PRG2: variants seen among roughly 807,000 people sequenced by gnomAD.
The protein encoded by PRG2 is proteoglycan 2, pro eosinophil major basic protein.
PRG2 carries 23 observed loss-of-function variants against 24.7 expected under a neutral mutation model. The observed-to-expected ratio is 0.93, with a 90% CI of 0.67 to 1.32. The LOEUF is 1.32. Among genes scored for constraint, PRG2 ranks in the 40% most tolerant of loss-of-function variants. The probability of loss-of-function intolerance (pLI) is 0.00; values close to 1 mark genes in which losing one functional copy is unlikely to be tolerated. For missense variants in PRG2, 271 were observed against 280.9 expected (o/e 0.96, Z 0.25); for synonymous variants, 104 against 99.8 (o/e 1.04, Z -0.25).
chr11:57,388,588 T>C lies in PRG2; in HGVS notation c.487A>G (p.Ile163Val), dbSNP rs148335550. ...CACACTTCTCTTACCGAGCCTGTGA[T>C]CCTGCCTCCAATCCAGACTTGACCC... ...NQGQVWIGGR[I>V]TGSGRCRRFQ... is the part of the protein sequence containing the mutation. The change falls in exon 4 of 6, where the codon ATC becomes GTC. Residue 163 changes from isoleucine (I) to valine (V), a missense_variant. By Grantham distance (29) the Ile-to-Val change is conservative (BLOSUM62 3). Transcript: ENST00000311862. 9.3e-6 allele frequency: 15 copies of C among 1,613,782 alleles called. No individual in the cohort carries two copies. The Admixed American group carries it at 1.5e-4, about 16-fold the overall frequency.
chr11:57,387,915 A>G, intron 4 of PRG2, 50 bp from the exon 5 acceptor site: 1 of 1,375,736 alleles, frequency 7.3e-7, no homozygotes. Flanking sequence ...GAAGGCAGAG[A>G]AGCAGACCTG....
chr11:57,390,025 A>C, intron 1 of PRG2, 69 bp from the exon 2 acceptor site: 1 of 1,299,206 alleles, frequency 7.7e-7, no homozygotes, highest in Non-Finnish European at 1.1e-6. Flanking sequence ...CAATCACACC[A>C]TTAGGGGACC....
chr11:57,387,824 C>T lies in PRG2; in HGVS notation c.540G>A (p.Trp180Ter), dbSNP rs757872148. The T allele has an allele frequency of 2.5e-6, 4 of 1,581,044 alleles. No individual in the cohort carries two copies. The highest frequency in any genetic ancestry group is 1.7e-4 in the Middle Eastern group (1 of 6,014). The change falls in exon 5 of 6, where the codon TGG (tryptophan) becomes TGA (stop). Residue 180 changes from tryptophan (W) to a stop codon, truncating the protein, a stop_gained. Coordinates refer to ENST00000311862, the MANE Select transcript of PRG2 (RefSeq NM_002728.6). LOFTEE classifies it high-confidence loss of function. ...RRFQWVDGSRWNFAYWAAHQP... is the reference protein window; with the variant it reads ...RRFQWVDGSR ...GGTGAGCAGCCCAGTATGCAAAGTT[C>T]CAGCGGCTGCCGTCAACCCACTGAA...
At chr11:57,387,967 G>GCA in intron 4 of PRG2, 102 bp from the exon 5 acceptor site, 1 of 810,552 alleles carries the variant, frequency 1.2e-6, no homozygotes, top group South Asian at 1.8e-5. Flanking sequence ...ACCGGGCAAT[G>GCA]GGCCCTTCCC....
intron 1 of PRG2, 91 bp from the exon 2 acceptor site, chr11:57,390,047 G>A (rs1202324003): frequency 6.3e-6 from 7 of 1,116,472 alleles, no homozygotes; most frequent in Non-Finnish European, 9.0e-6. Flanking sequence ...TGGGAGTGAG[G>A]TGGAGAAAAA....
At position 57,390,608 on chromosome 11, in the gene PRG2, C is replaced by G; in HGVS notation, c.-25G>C. On this transcript the variant is annotated 5_prime_UTR_variant, in exon 1 of 6. Transcript: ENST00000311862. ...AGAAAGCACTCACCCACCCAGAGACCTTCCTGGGTCTTTAGATCTTCCCAA... is the reference window on the plus strand; with the variant it reads ...AGAAAGCACTCACCCACCCAGAGACGTTCCTGGGTCTTTAGATCTTCCCAA... 1 of 985,532 alleles carries G rather than the reference C, an allele frequency of 1.0e-6. No individual in the cohort carries two copies. Among genetic ancestry groups the G allele is most frequent in the Middle Eastern group, 5.2e-4 (1 of 1,916 alleles). The allele number at this position is 985,532 out of a possible 1,614,324, so 61.0% of individuals were successfully genotyped here.
chr11:57,388,428 A>T, intron 4 of PRG2, 149 bp downstream of exon 4: 3 of 1,237,416 alleles, frequency 2.4e-6, no homozygotes, highest in Non-Finnish European at 3.3e-6. Context: ...CTGAATGCCC[A>T]GGCAGCCCCC....
Position 57,388,658 on chromosome 11 carries a change from G to T in PRG2, c.417C>A (p.Phe139Leu). The change falls in exon 4 of 6, where the codon TTC becomes TTA. Residue 139 changes from phenylalanine to leucine, a missense_variant. Phe to Leu is a conservative substitution (Grantham distance 22). Transcript: ENST00000311862. ...YRGNLVSIHN[F>L]NINYRIQCSV... is the part of the protein sequence containing the mutation. ...AACACTGGATTCGATAATTAATATT[G>T]AAGTTGTGGATGGAAACCAGGTTGC... The T allele has an allele frequency of 6.2e-7, 1 of 1,614,034 alleles. No homozygotes were observed. Among genetic ancestry groups the T allele is most frequent in the Non-Finnish European group, 8.5e-7 (1 of 1,179,960 alleles).
intron 3 of PRG2, 130 bp downstream of exon 3, chr11:57,388,880 C>G: frequency 7.0e-7 from 1 of 1,433,192 alleles, no homozygotes; most frequent in Middle Eastern, 2.5e-4. Context: ...CCCAACACCT[C>G]TCTGAGGCTC....
rs1395972664 is a variant in PRG2 at position 57,388,690 on chromosome 11, A to G, written c.385T>C (p.Tyr129His). 6.2e-7 allele frequency: 1 copy of G among 1,614,090 alleles called. No individual in the cohort carries two copies. The highest frequency in any genetic ancestry group is 2.2e-5 in the East Asian group (1 of 44,884). ...TGGATGGAAACCAGGTTGCCCCTGT[A>G]GCACCTCCGGCAAGTAAACTACAGG... ...SQAWFTCRRCYRGNLVSIHNF... is the reference protein window; with the variant it reads ...SQAWFTCRRCHRGNLVSIHNF... The change falls in exon 4 of 6, where the codon TAC becomes CAC. Residue 129 changes from tyrosine to histidine, a missense_variant. Tyr to His is a moderately conservative substitution (Grantham distance 83). Transcript: ENST00000311862.
In PRG2 at chr11:57,389,095, T is replaced by A. The variant is rs1857107464; in HGVS notation, c.281A>T (p.Asp94Val). Residue 94 changes from aspartate to valine, a missense_variant, in exon 3 of 6, where the codon GAC becomes GTC. Transcript: ENST00000311862. ...DKNLTCPEEE[D>V]TVKVVGIPGC... ...AGGGATGCCCACCACTTTTACTGTG[T>A]CCTCTTCCTCAGGACACGTAAGGTT... The A allele has an allele frequency of 1.9e-6, 3 of 1,614,162 alleles. No homozygotes were observed. Among genetic ancestry groups the A allele is most frequent in the Non-Finnish European group, 2.5e-6 (3 of 1,180,030 alleles).
intron 2 of PRG2, 140 bp downstream of exon 2, chr11:57,389,747 A>G (rs1205458614): frequency 2.7e-6 from 2 of 745,436 alleles, no homozygotes; most frequent in Admixed American, 6.2e-5. Context: ...TCCTGGCCAT[A>G]GAGTCCCCAT....
Position 57,387,496 on chromosome 11 carries a change from A to G in PRG2, c.648T>C (p.Leu216=). ...CAGCTCAGTAGGAACAGATGAAAGGAAGTCTTCTGAGGCAGTGGGCTCGAC... is the reference window on the plus strand; with the variant it reads ...CAGCTCAGTAGGAACAGATGAAAGGGAGTCTTCTGAGGCAGTGGGCTCGAC... ...HWRRAHCLRR[L]PFICSY Residue 216 remains leucine (L), a synonymous_variant, in exon 6 of 6, where the codon CTT becomes CTC. Transcript: ENST00000311862. The G allele has an allele frequency of 1.2e-6, 2 of 1,613,916 alleles. No individual in the cohort carries two copies. Among genetic ancestry groups the G allele is most frequent in the Non-Finnish European group, 1.7e-6 (2 of 1,179,952 alleles).
Position 57,389,222 on chromosome 11 carries a change from T to G in PRG2, c.154A>C (p.Arg52=). Residue 52 remains arginine (R), a synonymous_variant, in exon 3 of 6, where the codon AGG becomes CGG. Transcript: ENST00000311862. Reference sequence around the variant, plus strand: ...CACTCCTCCTCTTCCTCCAGCTCCCTGCAAGGGGTCTCCTCCATCTCCTGC... The same window carrying G: ...CACTCCTCCTCTTCCTCCAGCTCCCGGCAAGGGGTCTCCTCCATCTCCTGC... The part of the protein sequence containing the change: ...PEQEMEETPC[R]ELEEEEEWGS... The G allele has an allele frequency of 6.2e-7, 1 of 1,614,218 alleles. No individual in the cohort carries two copies. The highest frequency in any genetic ancestry group is 1.3e-5 in the African/African-American group (1 of 75,054).
rs1590655222 is a variant in PRG2, at chr11:57,386,907, T to C, written c.*568A>G. On this transcript the variant is annotated 3_prime_UTR_variant, in exon 6 of 6. Transcript: ENST00000311862. ...ACTACCACAGCAGGCCACTGGGAAATGGTGCCCAATACATGTTAGATTTAT... is the reference window on the plus strand; with the variant it reads ...ACTACCACAGCAGGCCACTGGGAAACGGTGCCCAATACATGTTAGATTTAT... 6.6e-6 allele frequency: 1 copy of C among 152,396 alleles called. No homozygotes were observed. The highest frequency in any genetic ancestry group is 1.9e-4 in the East Asian group (1 of 5,186). The allele number at this position is 152,396 out of a possible 1,614,324, so 9.4% of individuals were successfully genotyped here.
chr11:57,387,214 T>C lies in PRG2; in HGVS notation c.*261A>G, dbSNP rs1359729258. 5 of 419,654 alleles carry C rather than the reference T, an allele frequency of 1.2e-5. No individual in the cohort carries two copies. The highest frequency in any genetic ancestry group is 4.2e-5 in the Admixed American group (1 of 23,810). The allele number at this position is 419,654 out of a possible 1,614,324, so 26.0% of individuals were successfully genotyped here. ...ATTCCTCCATCTCCAAAAGGCTCCA[T>C]AGACCCAACTCCACCCTCCATCCTC... On this transcript the variant is annotated 3_prime_UTR_variant, in exon 6 of 6. Coordinates refer to ENST00000311862, the MANE Select transcript of PRG2 (RefSeq NM_002728.6).
In PRG2 at chr11:57,387,335, G is replaced by A; in HGVS notation, c.*140C>T. On this transcript the variant is annotated 3_prime_UTR_variant, in exon 6 of 6. Coordinates refer to ENST00000311862, the MANE Select transcript of PRG2 (RefSeq NM_002728.6). ...GTTTCAATGAGGGCTAAGCAGAGTGGATCCGCGATCAGAGGAGAAAATAAA... is the reference window on the plus strand; with the variant it reads ...GTTTCAATGAGGGCTAAGCAGAGTGAATCCGCGATCAGAGGAGAAAATAAA... 2 of 724,568 alleles carry A rather than the reference G, an allele frequency of 2.8e-6. No homozygotes were observed. The highest frequency in any genetic ancestry group is 1.8e-5 in the South Asian group (1 of 55,350). 44.9% of individuals were successfully genotyped at this position (724,568 alleles called of 1,614,324 possible).
chr11:57,389,231 T>A lies in PRG2; in HGVS notation c.145A>T (p.Thr49Ser), dbSNP rs1857111449. The A allele has an allele frequency of 2.5e-6, 4 of 1,614,040 alleles. No homozygotes were observed. The East Asian group carries it at 8.9e-5, about 36-fold the overall frequency. The part of the protein sequence containing the change: ...EETPEQEMEE[T>S]PCRELEEEEE... Reference sequence around the variant, plus strand: ...TCTTCCTCCAGCTCCCTGCAAGGGGTCTCCTCCATCTCCTGCTCTGGTGTC... The same window carrying A: ...TCTTCCTCCAGCTCCCTGCAAGGGGACTCCTCCATCTCCTGCTCTGGTGTC... The change falls in exon 3 of 6, where the codon ACC becomes TCC. Residue 49 changes from threonine to serine, a missense_variant. Transcript: ENST00000311862.
intron 3 of PRG2, 119 bp from the exon 4 acceptor site, chr11:57,388,827 A>G: frequency 6.8e-7 from 1 of 1,473,536 alleles, no homozygotes; most frequent in South Asian, 1.3e-5. Context: ...AAGGTTGGAG[A>G]CCAAAATGCA....
Sources: allele counts gnomAD v4.1 joint callset, GRCh38; gene constraint gnomAD v4.1.1; transcripts MANE v1.5; gene names NCBI Gene and HGNC (gene_info 2026-07-23, HGNC 2026-07-21).